Variants in ST8SIA5 observed in about 807,000 individuals in gnomAD.
ST8SIA5 encodes alpha-2,8-sialyltransferase 8E.
A neutral mutation model predicts 40.2 loss-of-function variants in ST8SIA5; 24 were observed. The ratio of observed to expected loss-of-function variants is 0.60; its 90% CI spans 0.43 to 0.84. The LOEUF is 0.84. ST8SIA5 is among the 40% of genes least tolerant of loss of function. The pLI, the probability that ST8SIA5 is intolerant of heterozygous loss-of-function variation, is 0.00. For missense variants in ST8SIA5, 465 were observed against 498.5 expected, an observed-to-expected ratio of 0.93 and a Z score of 0.64; for synonymous variants, 198 against 201.8, an observed-to-expected ratio of 0.98 and a Z score of 0.16.
At position 46,681,953 on chromosome 18, in the gene ST8SIA5, T is replaced by C; in HGVS notation, c.662+19A>G. ...GCTACCATTTTGGACAGTGCAGCTC[T>C]AGAAAGAGGGCCACTGACCTCTCTG... On this transcript the variant is annotated intron_variant, in intron 6 of 6. Transcript: ENST00000315087. 6.2e-7 allele frequency: 1 copy of C among 1,612,918 alleles called. No homozygotes were observed. Among genetic ancestry groups the C allele is most frequent in the African/African-American group, 1.3e-5 (1 of 75,040 alleles).
At chr18:46,682,624 C>T (rs928639279) in intron 5 of ST8SIA5, among the ~76,000 whole-genome samples, 2 of 152,156 alleles carry the variant, frequency 1.3e-5, no homozygotes, top group Non-Finnish European at 2.9e-5. Context: ...TGTCCTAATC[C>T]CTGGAACCTG....
At chr18:46,726,512 A>T (rs971322708) in intron 1 of ST8SIA5, among the ~76,000 whole-genome samples, 2 of 152,276 alleles carry the variant, frequency 1.3e-5, no homozygotes, top group South Asian at 4.2e-4. Flanking sequence ...ATACGGCAGG[A>T]TGTTAACATT....
rs1157372561 is a variant in ST8SIA5 at position 46,669,458 on chromosome 18, G to T, written c.*10584C>A. ...TCCAGTAAGAAAATGGATGGTGAAGGTGTGGAGAAAGTAAAAGTGTCACTT... is the reference window on the plus strand; with the variant it reads ...TCCAGTAAGAAAATGGATGGTGAAGTTGTGGAGAAAGTAAAAGTGTCACTT... On this transcript the variant is annotated 3_prime_UTR_variant, in exon 7 of 7. Coordinates refer to ENST00000315087, the MANE Select transcript of ST8SIA5 (RefSeq NM_013305.6). 2 of 152,176 alleles carry T rather than the reference G, an allele frequency of 1.3e-5. No homozygotes were observed. Among genetic ancestry groups the T allele is most frequent in the South Asian group, 2.1e-4 (1 of 4,828 alleles). 9.4% of individuals were successfully genotyped at this position (152,176 alleles called of 1,614,324 possible). A position where few individuals can be genotyped will look rare whatever the true frequency, so the allele number is the denominator to read the frequency against.
At chr18:46,700,818 G>A (rs1314914899) in intron 2 of ST8SIA5, among the ~76,000 whole-genome samples, 1 of 152,186 alleles carries the variant, frequency 6.6e-6, no homozygotes, top group Non-Finnish European at 1.5e-5. Context: ...CCACCAATGG[G>A]AGTCCATAAC....
intron 1 of ST8SIA5, among the ~76,000 whole-genome samples, chr18:46,741,528 T>C (rs1217643705): frequency 6.6e-6 from 1 of 152,174 alleles, no homozygotes; most frequent in Non-Finnish European, 1.5e-5. Flanking sequence ...TCTCAACTCA[T>C]TTGCAAGACT....
At chr18:46,746,514 T>C (rs1216589806) in intron 1 of ST8SIA5, among the ~76,000 whole-genome samples, 1 of 152,158 alleles carries the variant, frequency 6.6e-6, no homozygotes, top group Non-Finnish European at 1.5e-5. Flanking sequence ...TTACAAGGGA[T>C]GTGAAGGACC....
Position 46,680,047 on chromosome 18 carries a change from A to G in ST8SIA5, c.1126T>C (p.Cys376Arg). The change falls in exon 7 of 7, where the codon TGC becomes CGC. Residue 376 changes from cysteine to arginine, a missense_variant. By Grantham distance (180) the Cys-to-Arg change is radical. Coordinates refer to ENST00000315087, the MANE Select transcript of ST8SIA5 (RefSeq NM_013305.6). Reference sequence around the variant, plus strand: ...GGCAGCCTGGCTGGCAGCCATCAGCAGCAGCTGCAGGTGCCCGTGTGCACG... The same window carrying G: ...GGCAGCCTGGCTGGCAGCCATCAGCGGCAGCTGCAGGTGCCCGTGTGCACG... ...LRVHTGTCSC[C>R] 4 of 1,600,118 alleles carry G rather than the reference A, an allele frequency of 2.5e-6. No individual in the cohort carries two copies. Among genetic ancestry groups the G allele is most frequent in the Non-Finnish European group, 3.4e-6 (4 of 1,171,124 alleles).
At chr18:46,738,017 C>T (rs2040051950) in intron 1 of ST8SIA5, among the ~76,000 whole-genome samples, 1 of 152,032 alleles carries the variant, frequency 6.6e-6, no homozygotes, top group Admixed American at 6.6e-5. Flanking sequence ...GTAATCTGCC[C>T]ACCTCGGCCT....
chr18:46,718,587 G>A (rs567213372), intron 1 of ST8SIA5, among the ~76,000 whole-genome samples: 2 of 152,032 alleles, frequency 1.3e-5, no homozygotes, highest in African/African-American at 4.8e-5. Flanking sequence ...GGAGTTTTCC[G>A]GACTAATCAT....
At chr18:46,739,066 C>A (rs1423020790) in intron 1 of ST8SIA5, among the ~76,000 whole-genome samples, 1 of 152,194 alleles carries the variant, frequency 6.6e-6, no homozygotes, top group Non-Finnish European at 1.5e-5. Context: ...TGGGACAGTG[C>A]TGAGCAGGAT....
Position 46,680,340 on chromosome 18 carries a change from T to C in ST8SIA5, c.833A>G (p.His278Arg). The C allele has an allele frequency of 1.2e-6, 2 of 1,614,204 alleles. No individual in the cohort carries two copies. Among genetic ancestry groups the C allele is most frequent in the African/African-American group, 2.7e-5 (2 of 75,052 alleles). ...FESPQAVYYF[H>R]PQYLVNVSRY... ...CGACACGTTGACCAGGTACTGCGGA[T>C]GGAAGTAGTAGACAGCTTGCGGCGA... Residue 278 changes from histidine (H) to arginine (R), a missense_variant, in exon 7 of 7, where the codon CAT (histidine) becomes CGT (arginine). Transcript: ENST00000315087.
At chr18:46,715,393 C>T (rs2039777627) in intron 1 of ST8SIA5, among the ~76,000 whole-genome samples, 2 of 152,012 alleles carry the variant, frequency 1.3e-5, no homozygotes, top group African/African-American at 2.4e-5. Flanking sequence ...TCAGAGGCAA[C>T]AATCAGAAAA....
At chr18:46,709,806 T>A (rs190122449) in intron 1 of ST8SIA5, among the ~76,000 whole-genome samples, 8 of 152,362 alleles carry the variant, frequency 5.3e-5, no homozygotes, top group Middle Eastern at 3.4e-3. Context: ...GTTATTTTTT[T>A]AAATACTTTT....
intron 3 of ST8SIA5, 22 bp from the exon 4 acceptor site, chr18:46,688,941 A>C (rs747746465): frequency 2.5e-6 from 4 of 1,601,380 alleles, no homozygotes; most frequent in Non-Finnish European, 3.4e-6. Context: ...GGAGACAGGC[A>C]GGAAAGACGT....
rs1410002995 is a variant in ST8SIA5 at position 46,673,989 on chromosome 18, T to TC, written c.*6052dup. The stretch of plus-strand genomic sequence containing the variant: ...GAGCTCAGAGAAGCAGCACCTTTTT[T>TC]CCCCCAGGAAACAACCCCATGCTCC... On this transcript the variant is annotated 3_prime_UTR_variant, in exon 7 of 7. Transcript: ENST00000315087. The TC allele has an allele frequency of 6.6e-6, 1 of 152,070 alleles. No homozygotes were observed. The highest frequency in any genetic ancestry group is 1.5e-5 in the Non-Finnish European group (1 of 68,078). The allele number at this position is 152,070 out of a possible 1,614,324, so 9.4% of individuals were successfully genotyped here.
intron 1 of ST8SIA5, among the ~76,000 whole-genome samples, chr18:46,755,905 G>A (rs575084112): frequency 6.6e-6 from 1 of 152,238 alleles, no homozygotes; most frequent in South Asian, 2.1e-4. Flanking sequence ...CGAAGCTCCT[G>A]GAGGGGAAAA....
chr18:46,734,487 G>A (rs2040015813), intron 1 of ST8SIA5, among the ~76,000 whole-genome samples: 1 of 151,674 alleles, frequency 6.6e-6, no homozygotes, highest in Non-Finnish European at 1.5e-5. Context: ...TCCTTTTCCA[G>A]GCTCCACTCA....
At chr18:46,704,512 C>T in intron 2 of ST8SIA5, 60 bp downstream of exon 2, 2 of 1,492,684 alleles carry the variant, frequency 1.3e-6, no homozygotes, top group South Asian at 1.1e-5. Context: ...ACGCACTCAC[C>T]CCCAACCCCT....
At position 46,677,986 on chromosome 18, in the gene ST8SIA5, T is replaced by C. The variant is rs946402045; in HGVS notation, c.*2056A>G. 7 of 152,262 alleles carry C rather than the reference T, an allele frequency of 4.6e-5. No homozygotes were observed. Among genetic ancestry groups the C allele is most frequent in the African/African-American group, 1.7e-4 (7 of 41,470 alleles). The allele number at this position is 152,262 out of a possible 1,614,324, so 9.4% of individuals were successfully genotyped here. A position where few individuals can be genotyped will look rare whatever the true frequency, so the allele number is the denominator to read the frequency against. ...AGAACCTTCTAGTTTTTATATTCCA[T>C]GGTTTCAAGAACTGGGTTCAATTAA... On this transcript the variant is annotated 3_prime_UTR_variant, in exon 7 of 7. Transcript: ENST00000315087.
Sources: gnomAD v4.1 joint callset for allele counts (sites outside exome capture counted in the v4.1 genomes callset) on GRCh38, gnomAD v4.1.1 for gene constraint, MANE v1.5 for transcripts, NCBI Gene and HGNC (gene_info 2026-07-23, HGNC 2026-07-21) for gene names.